The following HS3ST4 variants were observed in gnomAD, a reference collection of about 807,000 sequenced individuals.
HS3ST4 encodes the protein heparan sulfate glucosamine 3-O-sulfotransferase 4.
Under a neutral mutation model 29.2 loss-of-function variants are expected in HS3ST4, and 17 were observed. That is an observed-to-expected ratio of 0.58 (90% CI 0.40 to 0.87). The LOEUF is 0.87. HS3ST4 is among the 40% of genes least tolerant of loss of function. The pLI, the probability that HS3ST4 is intolerant of heterozygous loss-of-function variation, is 0.00. For synonymous variants in HS3ST4, 314 were observed against 285.7 expected (o/e 1.10, Z -1.00); for missense variants, 627 against 634.5 (o/e 0.99, Z 0.13).
intron 1 of HS3ST4, among the ~76,000 whole-genome samples, chr16:25,840,355 A>G (rs1420508968): frequency 6.6e-6 from 1 of 152,214 alleles, no homozygotes; most frequent in Non-Finnish European, 1.5e-5. Flanking sequence ...CGCAACTACT[A>G]CAATCCAGAA....
intron 1 of HS3ST4, among the ~76,000 whole-genome samples, chr16:25,717,510 GGTGTGTGTGTGTGTGT>G (rs763190199): frequency 0.011 from 1,452 of 132,908 alleles, 36 homozygotes; most frequent in African/African-American, 0.039. Context: ...AAGGTGAAGG[GGTGTGTGTGTGTGTGT>G]GTGTGTGTGT....
intron 1 of HS3ST4, among the ~76,000 whole-genome samples, chr16:25,864,146 A>T (rs6650565): frequency 0.18 from 27,491 of 152,086 alleles, 2,750 homozygotes; most frequent in African/African-American, 0.27. Context: ...GCTCATATCA[A>T]CCTCTTCTCT....
In HS3ST4 at chr16:25,829,530, A is replaced by G. The variant is rs151248614; in HGVS notation, c.734+136379A>G. Among the ~76,000 whole-genome samples, 233 of 152,262 alleles carry G rather than the reference A, an allele frequency of 1.5e-3. 1 individual carries two copies. The highest frequency in any genetic ancestry group is 5.1e-3 in the African/African-American group (213 of 41,542). On this transcript the variant is annotated intron_variant, in intron 1 of 1. Transcript: ENST00000331351. Reference sequence around the variant, plus strand: ...TCAACCCATCATCTAGGTTTTGAACACTGAATGCATTAGTTATTTGTCCTA... The same window carrying G: ...TCAACCCATCATCTAGGTTTTGAACGCTGAATGCATTAGTTATTTGTCCTA...
intron 1 of HS3ST4, among the ~76,000 whole-genome samples, chr16:26,059,944 AT>A (rs892592578): frequency 6.6e-6 from 1 of 151,628 alleles, no homozygotes; most frequent in Non-Finnish European, 1.5e-5. Context: ...CGCCCAGCTA[AT>A]TTTTTTGTAT....
intron 1 of HS3ST4, among the ~76,000 whole-genome samples, chr16:26,120,662 T>C (rs929043992): frequency 1.3e-5 from 2 of 152,218 alleles, no homozygotes; most frequent in Non-Finnish European, 1.5e-5. Flanking sequence ...TGTTTCCATG[T>C]TGACTGACGT....
intron 1 of HS3ST4, among the ~76,000 whole-genome samples, chr16:26,120,868 C>A (rs150323115): frequency 2.0e-5 from 3 of 152,186 alleles, no homozygotes; most frequent in African/African-American, 7.2e-5. Context: ...GAAATGACCT[C>A]ACTATTGGCA....
chr16:25,887,634 A>T (rs1967967330), intron 1 of HS3ST4, among the ~76,000 whole-genome samples: 1 of 152,044 alleles, frequency 6.6e-6, no homozygotes, highest in Non-Finnish European at 1.5e-5. Flanking sequence ...TGAGCATGGA[A>T]ATGGTAAGAC....
In HS3ST4 at chr16:26,001,067, CA is replaced by C. The variant is rs145373849; in HGVS notation, c.735-134543del. Among the ~76,000 whole-genome samples, 273 of 152,032 alleles carry C rather than the reference CA, an allele frequency of 1.8e-3. 1 individual carries two copies. Among genetic ancestry groups the C allele is most frequent in the Non-Finnish European group, 2.5e-3 (173 of 67,926 alleles). On this transcript the variant is annotated intron_variant, in intron 1 of 1. Coordinates refer to ENST00000331351, the MANE Select transcript of HS3ST4 (RefSeq NM_006040.3). ...ATCCTGTACTAGAGGGGAAAAAAAGCAATAAAAGACATTATTTTATGTCAAT... is the reference window on the plus strand; with the variant it reads ...ATCCTGTACTAGAGGGGAAAAAAAGCATAAAAGACATTATTTTATGTCAAT...
intron 1 of HS3ST4, among the ~76,000 whole-genome samples, chr16:25,771,419 C>T (rs776669893): frequency 1.3e-5 from 2 of 152,088 alleles, no homozygotes; most frequent in Non-Finnish European, 2.9e-5. Flanking sequence ...GGACAGCTCC[C>T]TGTTGTGGGT....
chr16:25,725,865 T>C (rs1966531666), intron 1 of HS3ST4, among the ~76,000 whole-genome samples: 1 of 152,102 alleles, frequency 6.6e-6, no homozygotes, highest in Non-Finnish European at 1.5e-5. Flanking sequence ...TGTTTTCCAC[T>C]TACACATAGA....
chr16:25,875,244 T>G (rs908973441), intron 1 of HS3ST4, among the ~76,000 whole-genome samples: 1 of 152,182 alleles, frequency 6.6e-6, no homozygotes, highest in African/African-American at 2.4e-5. Flanking sequence ...GTTACTTGTA[T>G]ACCTGGATGT....
At chr16:25,998,409 T>G (rs1969175676) in intron 1 of HS3ST4, among the ~76,000 whole-genome samples, 1 of 152,182 alleles carries the variant, frequency 6.6e-6, no homozygotes, top group African/African-American at 2.4e-5. Flanking sequence ...TTGCTTCACA[T>G]TTTTGCTAAC....
At chr16:26,067,738 C>T (rs1478938631) in intron 1 of HS3ST4, among the ~76,000 whole-genome samples, 2 of 152,158 alleles carry the variant, frequency 1.3e-5, no homozygotes, top group African/African-American at 4.8e-5. Context: ...TCCCATAATT[C>T]CCAGGTGTCA....
At chr16:25,718,755 C>T (rs1966474501) in intron 1 of HS3ST4, among the ~76,000 whole-genome samples, 1 of 152,108 alleles carries the variant, frequency 6.6e-6, no homozygotes, top group Admixed American at 6.6e-5. Context: ...ATGCATGTAC[C>T]TGAGCTCAGA....
At chr16:25,847,647 A>G (rs1422486785) in intron 1 of HS3ST4, among the ~76,000 whole-genome samples, 1 of 152,190 alleles carries the variant, frequency 6.6e-6, no homozygotes, top group African/African-American at 2.4e-5. Context: ...ACTCTTTATC[A>G]GTTAAAATAA....
At chr16:26,102,552 T>C (rs1368374778) in intron 1 of HS3ST4, among the ~76,000 whole-genome samples, 1 of 152,170 alleles carries the variant, frequency 6.6e-6, no homozygotes, top group Admixed American at 6.6e-5. Context: ...CAGCTGTCCC[T>C]TGGGCAACAT....
At chr16:26,117,197 C>T (rs922483278) in intron 1 of HS3ST4, among the ~76,000 whole-genome samples, 6 of 152,196 alleles carry the variant, frequency 3.9e-5, no homozygotes, top group African/African-American at 1.4e-4. Context: ...GTGGTGACTT[C>T]AGGCCATCGA....
rs977095206 is a variant in HS3ST4, at chr16:25,692,599, T to C, written c.182T>C (p.Phe61Ser). 31 of 1,399,438 alleles carry C rather than the reference T, an allele frequency of 2.2e-5. No homozygotes were observed. The highest frequency in any genetic ancestry group is 2.8e-5 in the Non-Finnish European group (30 of 1,066,458). 86.7% of individuals were successfully genotyped at this position (1,399,438 alleles called of 1,614,324 possible). ...SLLGGSGSLQ[F>S]PLALQESPGA... ...CTGGGCGGCTCGGGCTCCCTGCAATTCCCTCTGGCGCTGCAGGAGTCGCCG... is the reference window on the plus strand; with the variant it reads ...CTGGGCGGCTCGGGCTCCCTGCAATCCCCTCTGGCGCTGCAGGAGTCGCCG... Residue 61 changes from phenylalanine (F) to serine (S), a missense_variant, in exon 1 of 2, where the codon TTC becomes TCC. This residue lies in a region of HS3ST4 where 402 missense variants were observed against 340.8 expected (regional missense o/e 1.18). Transcript: ENST00000331351.
chr16:25,918,825 A>T (rs1339049963), intron 1 of HS3ST4, among the ~76,000 whole-genome samples: 1 of 152,146 alleles, frequency 6.6e-6, no homozygotes, highest in Admixed American at 6.5e-5. Flanking sequence ...AAAAGTTGCA[A>T]GAGAAGCCTG....
Sources: gnomAD v4.1 joint callset for allele counts (sites outside exome capture counted in the v4.1 genomes callset) on GRCh38, gnomAD v4.1.1 for gene constraint, gnomAD v4.1.1 regional missense constraint, MANE v1.5 for transcripts, NCBI Gene and HGNC (gene_info 2026-07-23, HGNC 2026-07-21) for gene names.